PIWIL4: variants seen among roughly 807,000 people sequenced by gnomAD.
PIWIL4 encodes piwi-like protein 4.
A neutral mutation model predicts 100.9 loss-of-function variants in PIWIL4; 50 were observed. The ratio of observed to expected loss-of-function variants is 0.50; its 90% CI spans 0.39 to 0.63. PIWIL4 has a LOEUF of 0.63. Ranked by LOEUF, PIWIL4 falls within the 20% of genes least tolerant of loss-of-function variation. The probability of loss-of-function intolerance (pLI) is 0.00; values close to 1 mark genes in which losing one functional copy is unlikely to be tolerated. For synonymous variants in PIWIL4, 342 were observed against 367.5 expected, an observed-to-expected ratio of 0.93 and a Z score of 0.79; for missense variants, 887 against 1,043.3, an observed-to-expected ratio of 0.85 and a Z score of 2.06.
intron 13 of PIWIL4, among the ~76,000 whole-genome samples, chr11:94,606,193 C>G (rs1011671145): frequency 7.2e-5 from 11 of 152,196 alleles, no homozygotes; most frequent in Non-Finnish European, 1.3e-4. Context: ...GAACCAGTCT[C>G]ACTCGGCTCC....
chr11:94,567,672 CTT>C, intron 1 of PIWIL4, 67 bp downstream of exon 1: 1 of 1,453,506 alleles, frequency 6.9e-7, no homozygotes, highest in South Asian at 1.4e-5. Flanking sequence ...TGAACAATGC[CTT>C]CCTCTGCATG....
At chr11:94,594,018 A>G (rs1948521109) in intron 9 of PIWIL4, among the ~76,000 whole-genome samples, 1 of 152,196 alleles carries the variant, frequency 6.6e-6, no homozygotes, top group South Asian at 2.1e-4. Context: ...TATAATCCTC[A>G]TTATACAGTA....
chr11:94,588,666 C>T (rs1254866196), intron 7 of PIWIL4, among the ~76,000 whole-genome samples: 5 of 152,132 alleles, frequency 3.3e-5, no homozygotes, highest in South Asian at 2.1e-4. Context: ...CCAGCCCTAG[C>T]GGGTAGGTTA....
chr11:94,577,074 G>A (rs990127823), intron 3 of PIWIL4, among the ~76,000 whole-genome samples: 2 of 152,142 alleles, frequency 1.3e-5, no homozygotes, highest in African/African-American at 4.8e-5. Context: ...GTTCTTAAGA[G>A]GCCTGTTTCA....
Position 94,620,864 on chromosome 11 carries a change from T to C in PIWIL4, c.2443-12T>C, listed in dbSNP as rs118135222. On this transcript the variant is annotated splice_polypyrimidine_tract_variant and intron_variant, in intron 19 of 19. Transcript: ENST00000299001. ...AATCTCTTAATTATTATCAATACTT[T>C]TTTCTCCTCAGGGCATAGTCAGTGT... 6.5e-3 allele frequency: 10,423 copies of C among 1,594,190 alleles called. 49 individuals are homozygous for C. Among genetic ancestry groups the C allele is most frequent in the Non-Finnish European group, 8.0e-3 (9,348 of 1,163,520 alleles).
At chr11:94,588,988 T>G (rs984201314) in intron 7 of PIWIL4, 133 bp from the exon 8 acceptor site, 3 of 626,958 alleles carry the variant, frequency 4.8e-6, no homozygotes, top group Non-Finnish European at 8.1e-6. Context: ...AAAAAGTGAA[T>G]ATTCTTGTTT....
chr11:94,582,616 C>T (rs374190596), intron 4 of PIWIL4, among the ~76,000 whole-genome samples: 2 of 152,110 alleles, frequency 1.3e-5, no homozygotes, highest in African/African-American at 4.8e-5. Flanking sequence ...TTTGTATATT[C>T]CTTTATTTCA....
intron 13 of PIWIL4, among the ~76,000 whole-genome samples, chr11:94,606,985 A>C (rs1246895402): frequency 2.0e-5 from 3 of 152,132 alleles, no homozygotes; most frequent in Non-Finnish European, 2.9e-5. Flanking sequence ...ACCATAGTTT[A>C]AGCTAATTCT....
At chr11:94,573,236 G>C (rs10765687) in intron 2 of PIWIL4, among the ~76,000 whole-genome samples, 2 of 151,936 alleles carry the variant, frequency 1.3e-5, no homozygotes, top group African/African-American at 4.8e-5. Context: ...ATCTGCAAAC[G>C]GAGACAATTT....
chr11:94,575,758 C>T (rs1948228158), intron 3 of PIWIL4, among the ~76,000 whole-genome samples: 2 of 152,174 alleles, frequency 1.3e-5, no homozygotes, highest in Non-Finnish European at 2.9e-5. Flanking sequence ...CTGGACTTTT[C>T]ATTAAACATG....
chr11:94,577,617 G>T (rs527414993), intron 4 of PIWIL4, 125 bp downstream of exon 4: 136 of 828,702 alleles, frequency 1.6e-4, no homozygotes, highest in Non-Finnish European at 2.0e-4. Flanking sequence ...AGAATTAAAA[G>T]GTAAGAATTT....
rs747827148 is a variant in PIWIL4 at position 94,617,844 on chromosome 11, T to C, written c.2015-110T>C. The stretch of plus-strand genomic sequence containing the variant: ...ACCCAAATTATGTATTGCCCTATTT[T>C]ACAGTGGTCTGAAATAGCAAACCCA... On this transcript the variant is annotated intron_variant, in intron 16 of 19. Transcript: ENST00000299001. 4.2e-6 allele frequency: 5 copies of C among 1,181,584 alleles called. No individual in the cohort carries two copies. In the Admixed American group the frequency reaches 7.5e-5, roughly 18 times the overall value. 73.2% of individuals were successfully genotyped at this position (1,181,584 alleles called of 1,614,324 possible).
intron 2 of PIWIL4, among the ~76,000 whole-genome samples, chr11:94,569,906 A>AT (rs1410192469): frequency 6.6e-6 from 1 of 152,204 alleles, no homozygotes; most frequent in Non-Finnish European, 1.5e-5. Context: ...ACTTCACACT[A>AT]TGCAATATAT....
chr11:94,585,601 C>A, intron 6 of PIWIL4, 76 bp downstream of exon 6: 2 of 1,079,146 alleles, frequency 1.9e-6, no homozygotes, highest in Non-Finnish European at 2.7e-6. Flanking sequence ...CAATATTATA[C>A]CATTATGCCT....
chr11:94,587,325 G>A, intron 7 of PIWIL4, 78 bp downstream of exon 7: 1 of 1,399,446 alleles, frequency 7.1e-7, no homozygotes. Flanking sequence ...TAGTGTTGGA[G>A]TATTGGCCCA....
chr11:94,607,217 T>C (rs147860378), intron 13 of PIWIL4, among the ~76,000 whole-genome samples: 1 of 152,250 alleles, frequency 6.6e-6, no homozygotes, highest in East Asian at 1.9e-4. Context: ...GGGTGGGGCT[T>C]TGCAGAGTGA....
chr11:94,591,851 T>G (rs1450104016), intron 8 of PIWIL4, among the ~76,000 whole-genome samples: 2 of 152,186 alleles, frequency 1.3e-5, no homozygotes, highest in African/African-American at 4.8e-5. Flanking sequence ...ATTTCTCTAT[T>G]TTATCTTATC....
chr11:94,617,512 G>A (rs600206), intron 16 of PIWIL4, among the ~76,000 whole-genome samples: 21,271 of 152,032 alleles, frequency 0.14, 1,538 homozygotes, highest in Middle Eastern at 0.23. Flanking sequence ...GTGAAGATAT[G>A]TTTTCAGAGG....
intron 15 of PIWIL4, among the ~76,000 whole-genome samples, chr11:94,613,587 T>C (rs951874010): frequency 1.3e-5 from 2 of 152,200 alleles, no homozygotes; most frequent in South Asian, 2.1e-4. Context: ...GTAATGCAAA[T>C]GTTAGCCCTC....
Sources: gnomAD v4.1 joint callset for allele counts (sites outside exome capture counted in the v4.1 genomes callset) on GRCh38, gnomAD v4.1.1 for gene constraint, MANE v1.5 for transcripts, NCBI Gene and HGNC (gene_info 2026-07-23, HGNC 2026-07-21) for gene names.